KCNMA1: variants seen among roughly 807,000 people sequenced by gnomAD.
The protein encoded by KCNMA1 is potassium calcium-activated channel subfamily M alpha 1.
In KCNMA1, 29 loss-of-function variants were observed where a neutral mutation model predicts 140.0. The ratio of observed to expected loss-of-function variants is 0.21; its 90% CI spans 0.15 to 0.28. KCNMA1 has a LOEUF of 0.28. KCNMA1 is among the 10% of genes least tolerant of loss of function. KCNMA1 has a pLI of 1.00. For missense variants in KCNMA1, 880 were observed against 1,602.2 expected, an observed-to-expected ratio of 0.55 and a Z score of 7.70; for synonymous variants, 612 against 611.9, an observed-to-expected ratio of 1.00 and a Z score of 0.00.
intron 11 of KCNMA1, among the ~76,000 whole-genome samples, chr10:77,085,326 T>C (rs548386318): frequency 1.3e-5 from 2 of 152,322 alleles, no homozygotes; most frequent in African/African-American, 2.4e-5. Context: ...TGTGTTACAG[T>C]TGAACTCAAA....
chr10:76,992,822 C>T (rs970047253), intron 19 of KCNMA1, among the ~76,000 whole-genome samples: 6 of 152,184 alleles, frequency 3.9e-5, no homozygotes, highest in Non-Finnish European at 8.8e-5. Flanking sequence ...TGCCACATGA[C>T]TTCTTTAGGA....
chr10:77,615,086 C>T (rs1208859477), intron 1 of KCNMA1, among the ~76,000 whole-genome samples: 1 of 152,170 alleles, frequency 6.6e-6, no homozygotes, highest in Non-Finnish European at 1.5e-5. Flanking sequence ...TGTTAAGCAA[C>T]CTTAACACAG....
At chr10:76,909,687 C>A (rs2049304959) in intron 25 of KCNMA1, among the ~76,000 whole-genome samples, 1 of 152,206 alleles carries the variant, frequency 6.6e-6, no homozygotes, top group South Asian at 2.1e-4. Flanking sequence ...AAATGTACAA[C>A]TCCCTTGGGG....
chr10:77,025,531 G>GAGAGAGATTATATATAT, intron 16 of KCNMA1: 1 of 1,227,772 alleles, frequency 8.1e-7, no homozygotes, highest in Non-Finnish European at 1.2e-6. Context: ...AAGGAAAGAA[G>GAGAGAGATTATATATAT]GAATAAAACC....
At chr10:77,433,771 AC>A (rs1382561151) in intron 1 of KCNMA1, 2 of 152,206 alleles carry the variant, frequency 1.3e-5, no homozygotes, top group African/African-American at 2.4e-5. Flanking sequence ...TTGTCAAAGC[AC>A]CGGAAGCCAC....
intron 14 of KCNMA1, among the ~76,000 whole-genome samples, chr10:77,049,419 G>C (rs900083477): frequency 6.6e-6 from 1 of 152,218 alleles, no homozygotes; most frequent in African/African-American, 2.4e-5. Flanking sequence ...TACTTAGTAA[G>C]TGCTCCATGT....
intron 1 of KCNMA1, among the ~76,000 whole-genome samples, chr10:77,455,260 A>C (rs564980895): frequency 2.3e-4 from 35 of 152,332 alleles, no homozygotes; most frequent in Admixed American, 6.5e-4. Context: ...GAAGAGGCTG[A>C]GGCTTCTAAA....
At chr10:76,955,713 G>A (rs983723390) in intron 20 of KCNMA1, among the ~76,000 whole-genome samples, 2 of 152,188 alleles carry the variant, frequency 1.3e-5, no homozygotes, top group Non-Finnish European at 2.9e-5. Context: ...AGATCAGGGT[G>A]AGAGCACATT....
intron 2 of KCNMA1, among the ~76,000 whole-genome samples, chr10:77,319,371 T>C (rs1223912733): frequency 6.6e-6 from 1 of 152,192 alleles, no homozygotes; most frequent in African/African-American, 2.4e-5. Flanking sequence ...ACATATCTCA[T>C]GGCAAATGCT....
At chr10:77,514,033 C>T (rs941503472) in intron 1 of KCNMA1, among the ~76,000 whole-genome samples, 6 of 152,268 alleles carry the variant, frequency 3.9e-5, no homozygotes, top group African/African-American at 1.4e-4. Context: ...AGAGCACCAC[C>T]CGTGCCTATC....
intron 2 of KCNMA1, among the ~76,000 whole-genome samples, chr10:77,396,832 G>T (rs1292969431): frequency 6.6e-6 from 1 of 152,190 alleles, no homozygotes; most frequent in Admixed American, 6.5e-5. Context: ...GCAATACACA[G>T]ATGTAACAGC....
chr10:77,545,180 G>A (rs1026242923), intron 1 of KCNMA1, among the ~76,000 whole-genome samples: 6 of 152,168 alleles, frequency 3.9e-5, no homozygotes, highest in African/African-American at 7.2e-5. Context: ...CTCCTAAGAG[G>A]GTTTCATCCC....
At chr10:77,445,350 A>T (rs889649329) in intron 1 of KCNMA1, among the ~76,000 whole-genome samples, 3 of 143,168 alleles carry the variant, frequency 2.1e-5, no homozygotes, top group Admixed American at 6.9e-5. Flanking sequence ...TCTCTCTCTC[A>T]CACGCACATA....
Position 76,936,222 on chromosome 10 carries a change from G to T in KCNMA1, c.2902+8551C>A, listed in dbSNP as rs1340343899. 3.3e-5 allele frequency among the ~76,000 whole-genome samples: 5 copies of T among 152,256 alleles called. No homozygotes were observed. In the East Asian group the frequency reaches 9.7e-4, roughly 29 times the overall value. Reference sequence around the variant, plus strand: ...AATGTAACAGGGCAGGCCCCTTTCTGTACTTGAGATCTGCTCAGAGCCCTA... The same window carrying T: ...AATGTAACAGGGCAGGCCCCTTTCTTTACTTGAGATCTGCTCAGAGCCCTA... On this transcript the variant is annotated intron_variant, in intron 23 of 27. Transcript: ENST00000286628.
chr10:77,183,694 C>G (rs949588775), intron 4 of KCNMA1, among the ~76,000 whole-genome samples, 162 bp from the exon 5 acceptor site: 1 of 152,144 alleles, frequency 6.6e-6, no homozygotes. Flanking sequence ...ACCATGTTGG[C>G]CAGGCTGGTC....
At chr10:77,178,972 C>T (rs1302602226) in intron 5 of KCNMA1, among the ~76,000 whole-genome samples, 2 of 152,222 alleles carry the variant, frequency 1.3e-5, no homozygotes, top group Non-Finnish European at 2.9e-5. Flanking sequence ...TGCTTGCCGA[C>T]ATGACTGTCC....
At chr10:77,151,824 C>T (rs2098421655) in intron 5 of KCNMA1, among the ~76,000 whole-genome samples, 1 of 152,224 alleles carries the variant, frequency 6.6e-6, no homozygotes, top group South Asian at 2.1e-4. Flanking sequence ...AGAGATGTTA[C>T]ACTGGGCAGG....
intron 15 of KCNMA1, among the ~76,000 whole-genome samples, chr10:77,032,136 A>G (rs2093978713): frequency 6.6e-6 from 1 of 152,186 alleles, no homozygotes; most frequent in Non-Finnish European, 1.5e-5. Context: ...GTCCAATTCT[A>G]AGATACAACA....
intron 2 of KCNMA1, among the ~76,000 whole-genome samples, chr10:77,284,700 G>T (rs918909285): frequency 7.2e-5 from 11 of 151,992 alleles, no homozygotes; most frequent in African/African-American, 2.2e-4. Flanking sequence ...TTTTAGTAGA[G>T]ATGGGGTTTC....
Sources: allele counts gnomAD v4.1 joint callset (sites outside exome capture counted in the v4.1 genomes callset), GRCh38; gene constraint gnomAD v4.1.1; transcripts MANE v1.5; gene names NCBI Gene and HGNC (gene_info 2026-07-23, HGNC 2026-07-21).